The following AFF2 variants were observed in gnomAD, a reference collection of about 807,000 sequenced individuals.
AFF2 encodes the protein AF4/FMR2 family member 2.
A neutral mutation model predicts 76.9 loss-of-function variants in AFF2; 14 were observed. The ratio of observed to expected loss-of-function variants is 0.18; its 90% CI spans 0.12 to 0.28. The LOEUF is 0.28. Among genes scored for constraint, AFF2 ranks in the 10% least tolerant of loss-of-function variants. The probability of loss-of-function intolerance (pLI) is 1.00; values close to 1 mark genes in which losing one functional copy is unlikely to be tolerated. For missense variants in AFF2, 868 were observed against 1,001.1 expected (o/e 0.87, Z 1.79); for synonymous variants, 398 against 366.7 (o/e 1.09, Z -0.98).
At chrX:148,522,184 A>C (rs781937419) in intron 1 of AFF2, among the ~76,000 whole-genome samples, 54 of 112,551 alleles carry the variant, frequency 4.8e-4, no homozygotes, top group African/African-American at 1.7e-3. Flanking sequence ...TGACGACAAG[A>C]GGAAACATGG....
intron 3 of AFF2, among the ~76,000 whole-genome samples, chrX:148,709,216 TA>T (rs782464784): frequency 8.9e-6 from 1 of 111,976 alleles, no homozygotes; most frequent in Non-Finnish European, 1.9e-5. Context: ...AATAAAATAC[TA>T]AAAAAATTTT....
intron 1 of AFF2, among the ~76,000 whole-genome samples, chrX:148,603,538 T>A (rs1603255508): frequency 9.1e-6 from 1 of 110,244 alleles, no homozygotes; most frequent in East Asian, 2.9e-4. Flanking sequence ...AGCTTATTTT[T>A]ATTTTAGGGG....
intron 1 of AFF2, among the ~76,000 whole-genome samples, chrX:148,560,545 A>G (rs2053100368): frequency 8.9e-6 from 1 of 112,255 alleles, no homozygotes. Context: ...GATCTAATTA[A>G]ACTGAAGAGC....
intron 3 of AFF2, among the ~76,000 whole-genome samples, chrX:148,800,007 C>T (rs1872443778): frequency 8.9e-6 from 1 of 111,953 alleles, no homozygotes; most frequent in Non-Finnish European, 1.9e-5. Flanking sequence ...AGCAGTTAAA[C>T]CACATGTAAG....
intron 3 of AFF2, among the ~76,000 whole-genome samples, chrX:148,762,458 T>G (rs2069461681): frequency 1.1e-5 from 1 of 87,640 alleles, no homozygotes; most frequent in African/African-American, 5.0e-5. Flanking sequence ...GATATATATA[T>G]ATTATGTGTG....
intron 1 of AFF2, among the ~76,000 whole-genome samples, chrX:148,514,736 T>A (rs988388740): frequency 2.0e-4 from 23 of 112,284 alleles, no homozygotes; most frequent in African/African-American, 5.8e-4. Flanking sequence ...TCTTTTAAAT[T>A]CCTGACATTT....
chrX:148,896,319 G>A (rs2071283865), intron 8 of AFF2, among the ~76,000 whole-genome samples: 1 of 111,727 alleles, frequency 9.0e-6, no homozygotes, highest in Admixed American at 9.5e-5. Context: ...TTCACAGTGT[G>A]ACCATGAAAC....
At chrX:148,901,400 G>A (rs73612070) in intron 8 of AFF2, among the ~76,000 whole-genome samples, 1,433 of 112,188 alleles carry the variant, frequency 0.013, 20 homozygotes, top group African/African-American at 0.044. Context: ...GCATATAGAC[G>A]TTATAAATTA....
chrX:148,839,501 T>A (rs1228128297), intron 5 of AFF2, among the ~76,000 whole-genome samples: 1 of 111,955 alleles, frequency 8.9e-6, no homozygotes, highest in Non-Finnish European at 1.9e-5. Flanking sequence ...GGTAGTTAAG[T>A]AATGTGCTCA....
At chrX:148,957,466 T>C (rs946613103) in intron 11 of AFF2, among the ~76,000 whole-genome samples, 3 of 111,228 alleles carry the variant, frequency 2.7e-5, no homozygotes, top group Non-Finnish European at 5.7e-5. Flanking sequence ...ACAGAGGATA[T>C]TCTCTCGGAG....
intron 4 of AFF2, among the ~76,000 whole-genome samples, chrX:148,834,828 T>G (rs1169088783): frequency 8.9e-6 from 1 of 111,980 alleles, no homozygotes; most frequent in Non-Finnish European, 1.9e-5. Flanking sequence ...GTCTAATTCA[T>G]TTTGAGAAGT....
intron 1 of AFF2, among the ~76,000 whole-genome samples, chrX:148,603,649 G>A (rs782400652): frequency 1.0e-4 from 11 of 110,139 alleles, no homozygotes; most frequent in South Asian, 7.7e-4. Flanking sequence ...GCAGTGAGCC[G>A]TTTCAGTGGG....
intron 3 of AFF2, among the ~76,000 whole-genome samples, chrX:148,729,402 T>C (rs782041107): frequency 5.4e-5 from 6 of 111,927 alleles, no homozygotes; most frequent in Admixed American, 3.8e-4. Flanking sequence ...TAAAGGGGCA[T>C]GGTCGGGAAG....
At chrX:148,704,837 A>T (rs1309910464) in intron 3 of AFF2, among the ~76,000 whole-genome samples, 2 of 109,294 alleles carry the variant, frequency 1.8e-5, no homozygotes, top group African/African-American at 6.7e-5. Flanking sequence ...TATTATTTTT[A>T]TTATTATTTG....
At chrX:148,822,264 C>A (rs1481576212) in intron 4 of AFF2, 2 of 111,267 alleles carry the variant, frequency 1.8e-5, no homozygotes, top group Non-Finnish European at 3.8e-5. Flanking sequence ...ACCGTGAGAG[C>A]TTGCTTGGAG....
intron 3 of AFF2, among the ~76,000 whole-genome samples, chrX:148,686,041 A>G (rs1343442152): frequency 1.8e-5 from 2 of 111,200 alleles, no homozygotes; most frequent in Admixed American, 9.7e-5. Flanking sequence ...TTAAGCAAAA[A>G]CAGCTATGAA....
chrX:148,918,496 G>A (rs1301632945), intron 9 of AFF2, among the ~76,000 whole-genome samples: 4 of 111,800 alleles, frequency 3.6e-5, no homozygotes, highest in African/African-American at 9.8e-5. Context: ...ACAGCTTATC[G>A]AACAGGCATT....
chrX:148,876,474 A>T (rs912718754), intron 7 of AFF2, among the ~76,000 whole-genome samples: 1 of 111,785 alleles, frequency 8.9e-6, no homozygotes, highest in Non-Finnish European at 1.9e-5. Flanking sequence ...TGGACCCAAC[A>T]TGTTACATGA....
chrX:148,921,568 G>C (rs1303631316), intron 9 of AFF2, among the ~76,000 whole-genome samples: 5 of 112,199 alleles, frequency 4.5e-5, no homozygotes, highest in African/African-American at 1.3e-4. Flanking sequence ...CCATGTTTTA[G>C]CATGGGTTAG....
Sources: gnomAD v4.1 joint callset for allele counts (sites outside exome capture counted in the v4.1 genomes callset) on GRCh38, gnomAD v4.1.1 for gene constraint, MANE v1.5 for transcripts, NCBI Gene and HGNC (gene_info 2026-07-23, HGNC 2026-07-21) for gene names.